TOPAZ1: variants seen among roughly 807,000 people sequenced by gnomAD.
The protein encoded by TOPAZ1 is protein TOPAZ1.
A neutral mutation model predicts 172.2 loss-of-function variants in TOPAZ1; 66 were observed. The ratio of observed to expected loss-of-function variants is 0.38; its 90% CI spans 0.31 to 0.47. The LOEUF (loss-of-function observed/expected upper bound fraction) is 0.47, where lower values mean the gene tolerates loss of function less well. Ranked by LOEUF, TOPAZ1 falls within the 20% of genes least tolerant of loss-of-function variation. The pLI, the probability that TOPAZ1 is intolerant of heterozygous loss-of-function variation, is 0.99. For synonymous variants in TOPAZ1, 681 were observed against 683.9 expected, an observed-to-expected ratio of 1.00 and a Z score of 0.07; for missense variants, 1,822 against 1,972.4, an observed-to-expected ratio of 0.92 and a Z score of 1.44.
chr3:44,261,538 A>G (rs1048685899), intron 4 of TOPAZ1, among the ~76,000 whole-genome samples: 7 of 152,180 alleles, frequency 4.6e-5, no homozygotes, highest in African/African-American at 1.4e-4. Flanking sequence ...TACAAGTACC[A>G]TGCAGTTTTG....
chr3:44,254,277 C>T (rs1699668508), intron 2 of TOPAZ1, among the ~76,000 whole-genome samples: 1 of 152,128 alleles, frequency 6.6e-6, no homozygotes, highest in African/African-American at 2.4e-5. Context: ...AAAAATTGAG[C>T]TGCTTTCAAG....
intron 4 of TOPAZ1, among the ~76,000 whole-genome samples, chr3:44,261,212 T>C (rs1290041777): frequency 6.6e-6 from 1 of 152,054 alleles, no homozygotes; most frequent in African/African-American, 2.4e-5. Flanking sequence ...GGTCCTCGGT[T>C]TGTTATGTTT....
At chr3:44,257,352 GGTGTGTGTGTGTGTGTGTGTGTGTGTGT>G (rs59827431) in intron 4 of TOPAZ1, among the ~76,000 whole-genome samples, 58 of 110,404 alleles carry the variant, frequency 5.3e-4, no homozygotes, top group African/African-American at 1.9e-3. Context: ...AAAACATAGG[GGTGTGTGTGTGTGTGTGTGTGTGTGTGT>G]GTGTGTGTGT....
chr3:44,278,521 GT>G (rs1193336805), intron 8 of TOPAZ1, among the ~76,000 whole-genome samples: 3 of 152,080 alleles, frequency 2.0e-5, no homozygotes, highest in Non-Finnish European at 2.9e-5. Context: ...CTCATTACTT[GT>G]TTTTGGTCTG....
At chr3:44,245,819 G>A (rs1434606302) in intron 2 of TOPAZ1, among the ~76,000 whole-genome samples, 2 of 152,184 alleles carry the variant, frequency 1.3e-5, no homozygotes, top group African/African-American at 4.8e-5. Flanking sequence ...GATTACAGGC[G>A]TGAGCCACCG....
In TOPAZ1 at chr3:44,281,971, T is replaced by C; in HGVS notation, c.3376T>C (p.Cys1126Arg). The C allele has an allele frequency of 6.5e-7, 1 of 1,545,182 alleles. No homozygotes were observed. Among genetic ancestry groups the C allele is most frequent in the Non-Finnish European group, 8.7e-7 (1 of 1,143,166 alleles). Residue 1126 changes from cysteine to arginine, a missense_variant, in exon 9 of 20, where the codon TGC (cysteine) becomes CGC (arginine). By Grantham distance (180) the Cys-to-Arg change is radical. Coordinates refer to ENST00000309765, the MANE Select transcript of TOPAZ1 (RefSeq NM_001145030.2). ...ACATTTTTCGTGACTTTTGCAGGTT[T>C]GCATGGATGTGTTTAAGAAATATAT... is the stretch of plus-strand genomic sequence containing the variant. ...HVPEQGDEKV[C>R]MDVFKKYINI...
chr3:44,290,709 T>C (rs1020748435), intron 11 of TOPAZ1, 62 bp from the exon 12 acceptor site: 1 of 981,232 alleles, frequency 1.0e-6, no homozygotes, highest in Non-Finnish European at 1.5e-6. Context: ...TTCACACACA[T>C]TGGCTCCTCA....
At chr3:44,277,554 T>C (rs932062713) in intron 8 of TOPAZ1, among the ~76,000 whole-genome samples, 1 of 152,218 alleles carries the variant, frequency 6.6e-6, no homozygotes, top group Non-Finnish European at 1.5e-5. Context: ...GTAGGCATCC[T>C]TGTCTTGGTC....
intron 8 of TOPAZ1, among the ~76,000 whole-genome samples, chr3:44,274,658 G>C: frequency 6.6e-6 from 1 of 151,324 alleles, no homozygotes; most frequent in Non-Finnish European, 1.5e-5. Flanking sequence ...GGGTTCAAGC[G>C]ATTCTCCTGC....
chr3:44,309,970 G>T lies in TOPAZ1; in HGVS notation c.4286G>T (p.Gly1429Val). ...TTTCTAAAAAGTGGAAGCCTAGATG[G>T]TGCCATTTGGGTAATGAGGGGTAAG... is the stretch of plus-strand genomic sequence containing the variant. Reference protein sequence around the residue: ...EIFLKSGSLDGAIWVMRESEW... With the variant: ...EIFLKSGSLDVAIWVMRESEW... Residue 1429 changes from glycine to valine, a missense_variant, in exon 16 of 20, where the codon GGT (glycine) becomes GTT (valine). Transcript: ENST00000309765. 1 of 1,549,698 alleles carries T rather than the reference G, an allele frequency of 6.5e-7. No homozygotes were observed. Among genetic ancestry groups the T allele is most frequent in the South Asian group, 1.2e-5 (1 of 83,620 alleles).
intron 19 of TOPAZ1, among the ~76,000 whole-genome samples, chr3:44,329,045 C>T (rs2125707464): frequency 6.6e-6 from 1 of 152,282 alleles, no homozygotes; most frequent in South Asian, 2.1e-4. Flanking sequence ...ATATAAGGAT[C>T]TCCTGGGAAT....
At chr3:44,316,073 AAATTT>A (rs1475580370) in intron 16 of TOPAZ1, among the ~76,000 whole-genome samples, 1 of 151,756 alleles carries the variant, frequency 6.6e-6, no homozygotes, top group Non-Finnish European at 1.5e-5. Flanking sequence ...TGTCTCTATG[AAATTT>A]AAAAAAAAAA....
At position 44,255,696 on chromosome 3, in the gene TOPAZ1, CACACACACACACACACACACACACAT is replaced by C. The variant is rs1265449398; in HGVS notation, c.2828-453_2828-428del. Among the ~76,000 whole-genome samples the C allele has an allele frequency of 1.7e-3, 172 of 101,074 alleles. 1 individual carries two copies. Among genetic ancestry groups the C allele is most frequent in the African/African-American group, 5.4e-3 (142 of 26,388 alleles). 66.3% of individuals were successfully genotyped at this position (101,074 alleles called of 152,430 possible). A position where few individuals can be genotyped will look rare whatever the true frequency, so the allele number is the denominator to read the frequency against. On this transcript the variant is annotated intron_variant, in intron 3 of 19. Transcript: ENST00000309765. ...ACACACACACACACACACACACACA[CACACACACACACACACACACACACAT>C]ATATATATGGTTAACAGCTAGTCAA...
At chr3:44,305,964 T>C (rs1168369740) in intron 14 of TOPAZ1, among the ~76,000 whole-genome samples, 1 of 152,234 alleles carries the variant, frequency 6.6e-6, no homozygotes, top group East Asian at 1.9e-4. Context: ...AAGTTGTTAC[T>C]CTCTTTACTA....
rs1403350185 is a variant in TOPAZ1, at chr3:44,307,683, T to A, written c.4140+1257T>A. Among the ~76,000 whole-genome samples, 4 of 151,178 alleles carry A rather than the reference T, an allele frequency of 2.6e-5. No homozygotes were observed. In the East Asian group the frequency reaches 7.8e-4, roughly 29 times the overall value. ...GTTACTTGCTGCTTTTATAAAGAGGTTATTTCACAATTGAATATATACGTT... is the reference window on the plus strand; with the variant it reads ...GTTACTTGCTGCTTTTATAAAGAGGATATTTCACAATTGAATATATACGTT... On this transcript the variant is annotated intron_variant, in intron 15 of 19. Transcript: ENST00000309765.
chr3:44,254,849 C>A, intron 2 of TOPAZ1, 119 bp from the exon 3 acceptor site: 1 of 653,936 alleles, frequency 1.5e-6, no homozygotes, highest in South Asian at 2.3e-5. Context: ...GTACTCTGCC[C>A]TGGAGGACTT....
Position 44,269,301 on chromosome 3 carries a change from G to T in TOPAZ1, c.3246G>T (p.Gly1082=). ...TATTCAAGAGGGAAAAAAATGTGGGGGTAAGTCTACTTTAAAAAATAATAA... is the reference window on the plus strand; with the variant it reads ...TATTCAAGAGGGAAAAAAATGTGGGTGTAAGTCTACTTTAAAAAATAATAA... The part of the protein sequence containing the change: ...CEIFKREKNV[G]VFQKSLGLMI... Residue 1082 remains glycine (G), a splice_region_variant and synonymous_variant, in exon 7 of 20, where the codon GGG becomes GGT. Coordinates refer to ENST00000309765, the MANE Select transcript of TOPAZ1 (RefSeq NM_001145030.2). 1 of 1,525,132 alleles carries T rather than the reference G, an allele frequency of 6.6e-7. No homozygotes were observed. Among genetic ancestry groups the T allele is most frequent in the Non-Finnish European group, 8.9e-7 (1 of 1,123,542 alleles). The allele number at this position is 1,525,132 out of a possible 1,614,324, so 94.5% of individuals were successfully genotyped here.
At chr3:44,249,928 A>C (rs1201661503) in intron 2 of TOPAZ1, among the ~76,000 whole-genome samples, 1 of 152,202 alleles carries the variant, frequency 6.6e-6, no homozygotes, top group African/African-American at 2.4e-5. Context: ...GTTGGTGATC[A>C]GTGGGGATCA....
intron 16 of TOPAZ1, among the ~76,000 whole-genome samples, chr3:44,315,971 A>G (rs892504106): frequency 6.6e-6 from 1 of 152,050 alleles, no homozygotes; most frequent in African/African-American, 2.4e-5. Flanking sequence ...ACAGTGACTC[A>G]TGCCTGTAAT....
Sources: gnomAD v4.1 joint callset for allele counts (sites outside exome capture counted in the v4.1 genomes callset) on GRCh38, gnomAD v4.1.1 for gene constraint, MANE v1.5 for transcripts, NCBI Gene and HGNC (gene_info 2026-07-23, HGNC 2026-07-21) for gene names.